JAKMIP1: variants seen among roughly 807,000 people sequenced by gnomAD.
The protein encoded by JAKMIP1 is janus kinase and microtubule-interacting protein 1.
Under a neutral mutation model 113.0 loss-of-function variants are expected in JAKMIP1, and 33 were observed. That is an observed-to-expected ratio of 0.29 (90% CI 0.22 to 0.39). The LOEUF (loss-of-function observed/expected upper bound fraction) is 0.39, where lower values mean the gene tolerates loss of function less well. Ranked by LOEUF, JAKMIP1 falls within the 10% of genes least tolerant of loss-of-function variation. The pLI is 1.00. For synonymous variants in JAKMIP1, 480 were observed against 459.9 expected (o/e 1.04, Z -0.56); for missense variants, 813 against 1,080.5 (o/e 0.75, Z 3.47).
rs557035677 is a variant in JAKMIP1 at position 6,137,306 on chromosome 4, T to A, written c.-147-24309A>T. Among the ~76,000 whole-genome samples, 22 of 152,284 alleles carry A rather than the reference T, an allele frequency of 1.4e-4. No individual in the cohort carries two copies. The South Asian group carries it at 3.9e-3, about 27-fold the overall frequency. On this transcript the variant is annotated intron_variant, in intron 1 of 20. Coordinates refer to ENST00000409021, the MANE Select transcript of JAKMIP1 (RefSeq NM_001099433.2). The surrounding 1 kb of genome is among the most constrained non-coding windows in gnomAD (Gnocchi z 4.5). Reference sequence around the variant, plus strand: ...GCCCACTGAGCCACAGCAGCCACAGTGGCTGCAAGACGGCACGCGCTGGCA... The same window carrying A: ...GCCCACTGAGCCACAGCAGCCACAGAGGCTGCAAGACGGCACGCGCTGGCA...
chr4:6,100,618 G>A (rs2108863813), intron 3 of JAKMIP1, among the ~76,000 whole-genome samples: 1 of 152,238 alleles, frequency 6.6e-6, no homozygotes, highest in East Asian at 1.9e-4. Flanking sequence ...AGAGTCCGTA[G>A]GTGTCCTTTT....
rs1246596683 is a variant in JAKMIP1, at chr4:6,076,199, AAAAAT to A, written c.1302+2735_1302+2739del. 6.6e-6 allele frequency among the ~76,000 whole-genome samples: 1 copy of A among 152,124 alleles called. No homozygotes were observed. Among genetic ancestry groups the A allele is most frequent in the Non-Finnish European group, 1.5e-5 (1 of 68,034 alleles). On this transcript the variant is annotated intron_variant, in intron 8 of 20. Transcript: ENST00000409021. This position sits in a 1 kb window ranked among gnomAD's most constrained non-coding sequence, Gnocchi z 4.8. ...CTCAAAAAAAATTAGTAAATAAATA[AAAAAT>A]AAAATAAACAAACAAACAAATAAAT...
rs755267638 is a variant in JAKMIP1 at position 6,081,712 on chromosome 4, A to G, written c.998T>C (p.Val333Ala). 1 of 1,614,100 alleles carries G rather than the reference A, an allele frequency of 6.2e-7. No homozygotes were observed. The highest frequency in any genetic ancestry group is 8.5e-7 in the Non-Finnish European group (1 of 1,180,016). Reference protein sequence around the residue: ...RETEVQLKPLVEKNKRMNKKN... With the variant: ...RETEVQLKPLAEKNKRMNKKN... ...CTTGTTCATCCGCTTGTTCTTCTCCACCAGGGGCTTCAGCTGAACCTCGGT... is the reference window on the plus strand; with the variant it reads ...CTTGTTCATCCGCTTGTTCTTCTCCGCCAGGGGCTTCAGCTGAACCTCGGT... Residue 333 changes from valine (V) to alanine (A), a missense_variant, in exon 6 of 21, where the codon GTG becomes GCG. Val to Ala is a moderately conservative substitution (Grantham distance 64). Coordinates refer to ENST00000409021, the MANE Select transcript of JAKMIP1 (RefSeq NM_001099433.2). This position sits in a 1 kb window ranked among gnomAD's most constrained non-coding sequence, Gnocchi z 4.6.
rs1391299094 is a variant in JAKMIP1, at chr4:6,044,697, A to T, written c.2029-2470T>A. On this transcript the variant is annotated intron_variant, in intron 16 of 20. Transcript: ENST00000409021. The surrounding 1 kb of genome is among the most constrained non-coding windows in gnomAD (Gnocchi z 4.4). ...TCTCAGAACGGTTTCTGCAGAACAC[A>T]GTGTTGAGATTTGTTGCTGCTGTCG... Among the ~76,000 whole-genome samples, 1 of 151,976 alleles carries T rather than the reference A, an allele frequency of 6.6e-6. No individual in the cohort carries two copies. Among genetic ancestry groups the T allele is most frequent in the Non-Finnish European group, 1.5e-5 (1 of 68,030 alleles).
chr4:6,085,083 C>T lies in JAKMIP1; in HGVS notation c.835-118G>A, dbSNP rs1000112854. The stretch of plus-strand genomic sequence containing the variant: ...AATGGGTGAGATCCTTATTCAGGGG[C>T]CCACATGCCACACAGCAAGGTGGGG... On this transcript the variant is annotated intron_variant, in intron 4 of 20. Coordinates refer to ENST00000409021, the MANE Select transcript of JAKMIP1 (RefSeq NM_001099433.2). 9.6e-6 allele frequency: 12 copies of T among 1,243,680 alleles called. No individual in the cohort carries two copies. The Admixed American group carries it at 1.1e-4, about 11-fold the overall frequency. The allele number at this position is 1,243,680 out of a possible 1,614,324, so 77.0% of individuals were successfully genotyped here.
intron 3 of JAKMIP1, among the ~76,000 whole-genome samples, chr4:6,095,210 GAAGA>G (rs1305544114): frequency 7.4e-6 from 1 of 134,638 alleles, no homozygotes; most frequent in Non-Finnish European, 1.5e-5. Flanking sequence ...GAGGGAAATA[GAAGA>G]AAGAAGGAAA....
rs1725326527 is a variant in JAKMIP1 at position 6,176,222 on chromosome 4, A to C, written c.-148+24031T>G. ...GTTACACCTGGGTGGAAAAGGACAGATCACCCCCTCATACGTTTCAGACCA... is the reference window on the plus strand; with the variant it reads ...GTTACACCTGGGTGGAAAAGGACAGCTCACCCCCTCATACGTTTCAGACCA... On this transcript the variant is annotated intron_variant, in intron 1 of 20. Transcript: ENST00000409021. The surrounding 1 kb of genome is among the most constrained non-coding windows in gnomAD (Gnocchi z 5.5). 6.6e-6 allele frequency among the ~76,000 whole-genome samples: 1 copy of C among 152,154 alleles called. No homozygotes were observed. Among genetic ancestry groups the C allele is most frequent in the African/African-American group, 2.4e-5 (1 of 41,438 alleles).
intron 1 of JAKMIP1, among the ~76,000 whole-genome samples, chr4:6,122,111 G>A (rs1716796756): frequency 1.3e-5 from 2 of 152,166 alleles, no homozygotes; most frequent in South Asian, 2.1e-4. Flanking sequence ...TTGGGAGGCC[G>A]AGGCGGGCGG....
rs1013603353 is a variant in JAKMIP1 at position 6,093,806 on chromosome 4, T to C, written c.625-8177A>G. Among the ~76,000 whole-genome samples the C allele has an allele frequency of 2.0e-5, 3 of 152,054 alleles. No homozygotes were observed. The highest frequency in any genetic ancestry group is 4.4e-5 in the Non-Finnish European group (3 of 68,004). ...TCAAAGAAGGAGCCAGGTTTGCCCG[T>C]GGTAGGAGTCGGTGGGGAACAAGTC... On this transcript the variant is annotated intron_variant, in intron 3 of 20. Transcript: ENST00000409021. The surrounding 1 kb of genome is among the most constrained non-coding windows in gnomAD (Gnocchi z 4.6).
Position 6,081,829 on chromosome 4 carries a change from C to G in JAKMIP1, c.955-74G>C. 1 of 1,575,360 alleles carries G rather than the reference C, an allele frequency of 6.3e-7. No homozygotes were observed. The highest frequency in any genetic ancestry group is 2.2e-5 in the East Asian group (1 of 44,632). On this transcript the variant is annotated intron_variant, in intron 5 of 20. Coordinates refer to ENST00000409021, the MANE Select transcript of JAKMIP1 (RefSeq NM_001099433.2). This position sits in a 1 kb window ranked among gnomAD's most constrained non-coding sequence, Gnocchi z 4.6. The stretch of plus-strand genomic sequence containing the variant: ...GCCGAGGTCACAGCACCGAGGTGAG[C>G]AGAGACTCAACCCAGTTAGGACCCC...
At chr4:6,117,007 T>C (rs1715888903) in intron 1 of JAKMIP1, among the ~76,000 whole-genome samples, 1 of 152,190 alleles carries the variant, frequency 6.6e-6, no homozygotes, top group South Asian at 2.1e-4. Flanking sequence ...TGTTCAAAAT[T>C]ATTAAGACTT....
chr4:6,100,867 C>T lies in JAKMIP1; in HGVS notation c.624+4606G>A, dbSNP rs529842896. 3.9e-5 allele frequency among the ~76,000 whole-genome samples: 6 copies of T among 152,152 alleles called. No individual in the cohort carries two copies. The South Asian group carries it at 1.2e-3, about 32-fold the overall frequency. On this transcript the variant is annotated intron_variant, in intron 3 of 20. Coordinates refer to ENST00000409021, the MANE Select transcript of JAKMIP1 (RefSeq NM_001099433.2). Reference sequence around the variant, plus strand: ...CATATTTGTTAGTCATTTAATTATCCTGTTTTTGAAATATTCTTTCAAGCT... The same window carrying T: ...CATATTTGTTAGTCATTTAATTATCTTGTTTTTGAAATATTCTTTCAAGCT...
chr4:6,078,910 G>T, intron 8 of JAKMIP1, 29 bp downstream of exon 8: 1 of 1,613,230 alleles, frequency 6.2e-7, no homozygotes, highest in Non-Finnish European at 8.5e-7. Context: ...CAGCGGCAAG[G>T]TAGGGCAGGT....
At position 6,184,164 on chromosome 4, in the gene JAKMIP1, C is replaced by G. The variant is rs1196104131; in HGVS notation, c.-148+16089G>C. Among the ~76,000 whole-genome samples the G allele has an allele frequency of 2.0e-5, 3 of 152,130 alleles. No homozygotes were observed. On this transcript the variant is annotated intron_variant, in intron 1 of 20. Transcript: ENST00000409021. The surrounding 1 kb of genome is among the most constrained non-coding windows in gnomAD (Gnocchi z 4.5). ...TGTAAAAATTTTATTTTTGAAAAGA[C>G]TTCATTTTGCAGATGGGAAAACAAA...
intron 1 of JAKMIP1, among the ~76,000 whole-genome samples, chr4:6,152,443 A>G (rs1458422654): frequency 6.6e-6 from 1 of 152,136 alleles, no homozygotes; most frequent in Non-Finnish European, 1.5e-5. Context: ...TCTGCATCCT[A>G]TGATCAGAGA....
At position 6,059,872 on chromosome 4, in the gene JAKMIP1, C is replaced by T. The variant is rs555520241; in HGVS notation, c.1644+552G>A. 6.6e-6 allele frequency among the ~76,000 whole-genome samples: 1 copy of T among 152,182 alleles called. No homozygotes were observed. The highest frequency in any genetic ancestry group is 6.5e-5 in the Admixed American group (1 of 15,296). On this transcript the variant is annotated intron_variant, in intron 11 of 20. Transcript: ENST00000409021. This position sits in a 1 kb window ranked among gnomAD's most constrained non-coding sequence, Gnocchi z 4.8. ...CAGAGCCCTCTCTGGCTCCCCCACTCCAGGGGACAGGTCTAGGCCCAGGCA... is the reference window on the plus strand; with the variant it reads ...CAGAGCCCTCTCTGGCTCCCCCACTTCAGGGGACAGGTCTAGGCCCAGGCA...
In JAKMIP1 at chr4:6,167,213, C is replaced by A. The variant is rs551008753; in HGVS notation, c.-148+33040G>T. Among the ~76,000 whole-genome samples the A allele has an allele frequency of 6.6e-6, 1 of 152,278 alleles. No homozygotes were observed. The highest frequency in any genetic ancestry group is 2.4e-5 in the African/African-American group (1 of 41,554). On this transcript the variant is annotated intron_variant, in intron 1 of 20. Coordinates refer to ENST00000409021, the MANE Select transcript of JAKMIP1 (RefSeq NM_001099433.2). The surrounding 1 kb of genome is among the most constrained non-coding windows in gnomAD (Gnocchi z 5.3). ...TCTGGCCACTCATCCAGACCCAGGG[C>A]CTGTGAGTCCACTTGGAGCACTCCC... is the stretch of plus-strand genomic sequence containing the variant.
intron 2 of JAKMIP1, among the ~76,000 whole-genome samples, chr4:6,107,223 A>G (rs1418071367): frequency 6.6e-6 from 1 of 152,204 alleles, no homozygotes; most frequent in Non-Finnish European, 1.5e-5. Flanking sequence ...TGTCCCAGTT[A>G]TGGACAAAAT....
rs4512066 is a variant in JAKMIP1 at position 6,139,010 on chromosome 4, A to C, written c.-147-26013T>G. 6.6e-6 allele frequency among the ~76,000 whole-genome samples: 1 copy of C among 151,318 alleles called. No individual in the cohort carries two copies. The highest frequency in any genetic ancestry group is 1.5e-5 in the Non-Finnish European group (1 of 67,972). On this transcript the variant is annotated intron_variant, in intron 1 of 20. Transcript: ENST00000409021. This position sits in a 1 kb window ranked among gnomAD's most constrained non-coding sequence, Gnocchi z 5.2. ...ACCCCACCCTGTCTGTTCATCCTCC[A>C]TGGCCTTAGTCAAGCTGTTATTGTT...
Sources: gnomAD v4.1 joint callset for allele counts (sites outside exome capture counted in the v4.1 genomes callset) on GRCh38, gnomAD v4.1.1 for gene constraint, Gnocchi (gnomAD v3.1) non-coding constraint, MANE v1.5 for transcripts, NCBI Gene and HGNC (gene_info 2026-07-23, HGNC 2026-07-21) for gene names.